The following MED19 variants were observed in gnomAD, a reference collection of about 807,000 sequenced individuals.
MED19 encodes the protein mediator of RNA polymerase II transcription subunit 19.
Under a neutral mutation model 19.9 loss-of-function variants are expected in MED19, and 4 were observed. The ratio of observed to expected loss-of-function variants is 0.20; its 90% CI spans 0.10 to 0.46. MED19 has a LOEUF of 0.46. Ranked by LOEUF, MED19 falls within the 20% of genes least tolerant of loss-of-function variation. The probability of loss-of-function intolerance (pLI) is 0.99; values close to 1 mark genes in which losing one functional copy is unlikely to be tolerated. For missense variants in MED19, 303 were observed against 318.7 expected, an observed-to-expected ratio of 0.95 and a Z score of 0.38; for synonymous variants, 139 against 119.6, an observed-to-expected ratio of 1.16 and a Z score of -1.06.
At chr11:57,704,695 G>GTTTTTT in intron 3 of MED19, 24 bp downstream of exon 3, 4 of 701,988 alleles carry the variant, frequency 5.7e-6, no homozygotes, top group East Asian at 5.1e-5. Context: ...TTTTTTTTTT[G>GTTTTTT]CTTTGAATAG....
intron 1 of MED19, among the ~76,000 whole-genome samples, chr11:57,708,432 C>T (rs1043893536): frequency 6.6e-6 from 1 of 152,120 alleles, no homozygotes; most frequent in Non-Finnish European, 1.5e-5. Flanking sequence ...CAAAAAAACA[C>T]CCCTCACATT....
intron 1 of MED19, among the ~76,000 whole-genome samples, chr11:57,711,666 T>C (rs2135423717): frequency 6.6e-6 from 1 of 152,296 alleles, no homozygotes; most frequent in Admixed American, 6.5e-5. Flanking sequence ...AGGTCATTTT[T>C]TAGAGAGACA....
intron 3 of MED19, 46 bp downstream of exon 3, chr11:57,704,673 T>C (rs1345031315): frequency 8.7e-7 from 1 of 1,150,554 alleles, no homozygotes; most frequent in East Asian, 3.6e-5. Flanking sequence ...GGTCAGGTTT[T>C]TTTTTTTTTT....
Position 57,709,278 on chromosome 11 carries a change from G to C in MED19, c.217+2685C>G, listed in dbSNP as rs898037192. Reference sequence around the variant, plus strand: ...TGCCTGTAATCCGAACTACTCGGGAGGCTGAGGCAGGAGAATCGCTTGAAC... The same window carrying C: ...TGCCTGTAATCCGAACTACTCGGGACGCTGAGGCAGGAGAATCGCTTGAAC... On this transcript the variant is annotated intron_variant, in intron 1 of 4. Transcript: ENST00000431606. Among the ~76,000 whole-genome samples, 10 of 147,332 alleles carry C rather than the reference G, an allele frequency of 6.8e-5. No individual in the cohort carries two copies. In the South Asian group the frequency reaches 2.0e-3, roughly 29 times the overall value.
chr11:57,704,804 C>T, exon 3 of MED19: 1 of 1,612,198 alleles, frequency 6.2e-7, no homozygotes, highest in South Asian at 1.1e-5. Context: ...TCAGACGACA[C>T]TGCTCCGGCA....
At chr11:57,704,807 C>T in exon 3 of MED19, 2 of 1,612,882 alleles carry the variant, frequency 1.2e-6, no homozygotes, top group African/African-American at 2.7e-5. Context: ...GACGACACTG[C>T]TCCGGCAACT....
chr11:57,704,267 A>G (rs1946481358), intron 4 of MED19, 35 bp downstream of exon 4: 1 of 1,529,764 alleles, frequency 6.5e-7, no homozygotes, highest in African/African-American at 1.4e-5. Flanking sequence ...ATCTGGGGAA[A>G]CTCACTGGGT....
chr11:57,705,223 G>A, exon 2 of MED19: 1 of 1,614,000 alleles, frequency 6.2e-7, no homozygotes, highest in Non-Finnish European at 8.5e-7. Context: ...TGTCAGCTCT[G>A]TGCTACCTAG....
At chr11:57,711,908 C>T (rs1946627683) in intron 1 of MED19, 55 bp downstream of exon 1, 5 of 1,391,180 alleles carry the variant, frequency 3.6e-6, no homozygotes, top group South Asian at 3.3e-5. Flanking sequence ...GAGCCACGCC[C>T]ATCACCTCCT....
At chr11:57,711,323 T>C (rs951215847) in intron 1 of MED19, among the ~76,000 whole-genome samples, 8 of 152,210 alleles carry the variant, frequency 5.3e-5, no homozygotes, top group African/African-American at 1.7e-4. Flanking sequence ...CCCAAAGATA[T>C]TAAATCAGGC....
In MED19 at chr11:57,704,699, T is replaced by TTTTTTTTTTA; in HGVS notation, c.571+19_571+20insTAAAAAAAAA. The TTTTTTTTTTA allele has an allele frequency of 1.3e-6, 2 of 1,575,446 alleles. No individual in the cohort carries two copies. The highest frequency in any genetic ancestry group is 1.2e-5 in the South Asian group (1 of 86,324). ...TTTTTTTTTTTTTTTTTTTTTGCTT[T>TTTTTTTTTTA]GAATAGAACTGCTTCTTACCTGGGG... On this transcript the variant is annotated intron_variant, in intron 3 of 4. Transcript: ENST00000431606.
rs536159341 is a variant in MED19, at chr11:57,705,570, C to G, written c.218-341G>C. ...TCAGGAGGCTGGGGCAGGACAATCA[C>G]TTGAACCCGGGAGGTGGAGGTTGCA... On this transcript the variant is annotated intron_variant, in intron 1 of 4. Transcript: ENST00000431606. 5.9e-5 allele frequency among the ~76,000 whole-genome samples: 9 copies of G among 151,402 alleles called. No individual in the cohort carries two copies. In the East Asian group the frequency reaches 1.2e-3, roughly 20 times the overall value.
intron 1 of MED19, among the ~76,000 whole-genome samples, chr11:57,711,242 G>A (rs1212948306): frequency 6.6e-6 from 1 of 152,218 alleles, no homozygotes; most frequent in Non-Finnish European, 1.5e-5. Flanking sequence ...CGGAACCTTA[G>A]AAGGAAGAAT....
intron 1 of MED19, among the ~76,000 whole-genome samples, chr11:57,706,197 G>A (rs781066367): frequency 2.6e-5 from 4 of 152,112 alleles, no homozygotes; most frequent in Non-Finnish European, 5.9e-5. Flanking sequence ...CTAGGCTGGA[G>A]TGCAGTGGGG....
At position 57,704,167 on chromosome 11, in the gene MED19, G is replaced by A. The variant is rs978191451; in HGVS notation, c.667-61C>T. ...AACTAGCCTTGGCTTTGATCAGGCT[G>A]TACAGGAGAAACCTGCAACCTGCCT... On this transcript the variant is annotated intron_variant, in intron 4 of 4. Coordinates refer to ENST00000431606, the Ensembl canonical transcript of MED19. The A allele has an allele frequency of 2.6e-6, 4 of 1,532,410 alleles. No individual in the cohort carries two copies. The African/African-American group carries it at 5.5e-5, about 21-fold the overall frequency. The allele number at this position is 1,532,410 out of a possible 1,614,324, so 94.9% of individuals were successfully genotyped here. A position where few individuals can be genotyped will look rare whatever the true frequency, so the allele number is the denominator to read the frequency against.
rs1330048475 is a variant in MED19, at chr11:57,712,128, G to C, written c.52C>G (p.Pro18Ala). The change falls in exon 1 of 5, where the codon CCA becomes GCA. Residue 18 changes from proline (P) to alanine (A), a missense_variant. Around this residue, in one of 2 missense-constraint regions of MED19, gnomAD observed 274 missense variants for 259.2 expected, o/e 1.06. Coordinates refer to ENST00000431606, the Ensembl canonical transcript of MED19. Reference sequence around the variant, plus strand: ...CCTGGTCCGAAGCCGAGTGCGGTTGGGGGCGGTGGTGGGTCAGCCTGAGCC... The same window carrying C: ...CCTGGTCCGAAGCCGAGTGCGGTTGCGGGCGGTGGTGGGTCAGCCTGAGCC... 3.3e-6 allele frequency: 5 copies of C among 1,530,854 alleles called. No homozygotes were observed. In the Admixed American group the frequency reaches 8.4e-5, roughly 26 times the overall value. 94.8% of individuals were successfully genotyped at this position (1,530,854 alleles called of 1,614,324 possible).
At chr11:57,711,865 C>T in intron 1 of MED19, 98 bp downstream of exon 1, 7 of 1,323,526 alleles carry the variant, frequency 5.3e-6, no homozygotes, top group Non-Finnish European at 6.9e-6. Context: ...TATGCGTTGC[C>T]TAGGTTACCT....
chr11:57,705,534 G>A (rs1946499381), intron 1 of MED19, among the ~76,000 whole-genome samples: 1 of 151,706 alleles, frequency 6.6e-6, no homozygotes, highest in Admixed American at 6.6e-5. Context: ...CGTGCCTGTA[G>A]TCCCAACTAC....
chr11:57,704,669 G>GGT (rs1946485566), intron 3 of MED19, 50 bp downstream of exon 3: 13 of 1,287,744 alleles, frequency 1.0e-5, no homozygotes, highest in Non-Finnish European at 1.2e-5. Context: ...AGAAGGTCAG[G>GGT]TTTTTTTTTT....
Sources: gnomAD v4.1 joint callset for allele counts (sites outside exome capture counted in the v4.1 genomes callset) on GRCh38, gnomAD v4.1.1 for gene constraint, gnomAD v4.1.1 regional missense constraint, MANE v1.5 for transcripts, NCBI Gene and HGNC (gene_info 2026-07-23, HGNC 2026-07-21) for gene names.